Variants in KCNIP3 observed in about 807,000 individuals in gnomAD.
KCNIP3 encodes the protein potassium voltage-gated channel interacting protein 3.
A neutral mutation model predicts 35.0 loss-of-function variants in KCNIP3; 28 were observed. The observed-to-expected ratio is 0.80, with a 90% CI of 0.59 to 1.10. The LOEUF is 1.10. Among genes scored for constraint, KCNIP3 ranks in the 50% least tolerant of loss-of-function variants. KCNIP3 has a pLI of 0.00. For synonymous variants in KCNIP3, 134 were observed against 133.8 expected (o/e 1.00, Z -0.01); for missense variants, 295 against 338.4 (o/e 0.87, Z 1.01).
Position 95,377,122 on chromosome 2 carries a change from C to T in KCNIP3, c.447+1914C>T, listed in dbSNP as rs1243382795. Among the ~76,000 whole-genome samples the T allele has an allele frequency of 5.9e-5, 9 of 152,206 alleles. No homozygotes were observed. Among genetic ancestry groups the T allele is most frequent in the Non-Finnish European group, 1.0e-4 (7 of 68,042 alleles). Reference sequence around the variant, plus strand: ...CTGGGATTTGCCAGCAGCAGGGAGCCCCAGGTGAGCAGCGCCACACACAGA... The same window carrying T: ...CTGGGATTTGCCAGCAGCAGGGAGCTCCAGGTGAGCAGCGCCACACACAGA... On this transcript the variant is annotated intron_variant, in intron 5 of 8. Transcript: ENST00000295225. This position sits in a 1 kb window ranked among gnomAD's most constrained non-coding sequence, Gnocchi z 4.7.
chr2:95,348,526 C>T (rs1048105129), intron 2 of KCNIP3, among the ~76,000 whole-genome samples: 3 of 152,216 alleles, frequency 2.0e-5, no homozygotes, highest in Non-Finnish European at 2.9e-5. Context: ...TCGGGGCCTC[C>T]AGTGGCCAGG....
At chr2:95,308,806 T>C (rs1231092043) in intron 1 of KCNIP3, among the ~76,000 whole-genome samples, 3 of 152,240 alleles carry the variant, frequency 2.0e-5, no homozygotes, top group Non-Finnish European at 2.9e-5. Flanking sequence ...GGTCAGTCTC[T>C]GGCTCTTGCA....
chr2:95,324,639 A>T (rs989016778), intron 2 of KCNIP3, among the ~76,000 whole-genome samples: 1 of 148,198 alleles, frequency 6.7e-6, no homozygotes, highest in Non-Finnish European at 1.5e-5. Flanking sequence ...TTGGCCTGGC[A>T]TGGTGGCTCA....
At chr2:95,326,172 CAT>C (rs1247410968) in intron 2 of KCNIP3, among the ~76,000 whole-genome samples, 6 of 151,786 alleles carry the variant, frequency 4.0e-5, no homozygotes, top group Non-Finnish European at 8.8e-5. Context: ...CTCATATACA[CAT>C]ATACACAGTC....
chr2:95,363,616 A>T (rs1368428476), intron 2 of KCNIP3, among the ~76,000 whole-genome samples: 1 of 152,220 alleles, frequency 6.6e-6, no homozygotes, highest in Admixed American at 6.5e-5. Context: ...GCTTTCCAAA[A>T]AAAAAATCCA....
intron 2 of KCNIP3, 148 bp from the exon 3 acceptor site, chr2:95,374,148 G>T: frequency 1.0e-6 from 1 of 980,094 alleles, no homozygotes; most frequent in East Asian, 2.5e-5. Flanking sequence ...CCCCCTCTGT[G>T]CAGTGCACAG....
intron 2 of KCNIP3, among the ~76,000 whole-genome samples, chr2:95,319,310 G>T (rs1226470649): frequency 6.6e-6 from 1 of 152,212 alleles, no homozygotes; most frequent in Non-Finnish European, 1.5e-5. Flanking sequence ...AGAGCCCAGG[G>T]TTCCTGGGCC....
At chr2:95,369,064 A>G (rs570671184) in intron 2 of KCNIP3, among the ~76,000 whole-genome samples, 10 of 152,166 alleles carry the variant, frequency 6.6e-5, no homozygotes, top group Non-Finnish European at 1.3e-4. Flanking sequence ...TGGGGGGGAA[A>G]CATTCTGTTT....
intron 2 of KCNIP3, 78 bp from the exon 3 acceptor site, chr2:95,374,218 C>G: frequency 1.3e-6 from 2 of 1,552,746 alleles, no homozygotes; most frequent in Non-Finnish European, 8.7e-7. Context: ...TATTTTGGCC[C>G]ATGCCCTGGC....
At chr2:95,362,413 C>G (rs1450679694) in intron 2 of KCNIP3, among the ~76,000 whole-genome samples, 1 of 152,128 alleles carries the variant, frequency 6.6e-6, no homozygotes, top group Non-Finnish European at 1.5e-5. Context: ...GCCTCTCTTA[C>G]TCTTCATATA....
At chr2:95,326,729 C>T (rs1243588662) in intron 2 of KCNIP3, among the ~76,000 whole-genome samples, 2 of 152,234 alleles carry the variant, frequency 1.3e-5, no homozygotes, top group Non-Finnish European at 2.9e-5. Flanking sequence ...CTGCCACTCT[C>T]CTGCCCAAAC....
chr2:95,356,677 C>G (rs556264610), intron 2 of KCNIP3, among the ~76,000 whole-genome samples: 1 of 152,260 alleles, frequency 6.6e-6, no homozygotes, highest in South Asian at 2.1e-4. Flanking sequence ...GGTGTTATTT[C>G]TGAGGCCTCT....
intron 2 of KCNIP3, among the ~76,000 whole-genome samples, chr2:95,371,507 T>C (rs1426252871): frequency 6.6e-6 from 1 of 152,248 alleles, no homozygotes; most frequent in Non-Finnish European, 1.5e-5. Flanking sequence ...AATGTGTATC[T>C]ACAATTATAC....
intron 2 of KCNIP3, among the ~76,000 whole-genome samples, chr2:95,351,076 C>A (rs1326504181): frequency 1.3e-5 from 2 of 152,218 alleles, no homozygotes; most frequent in Non-Finnish European, 2.9e-5. Flanking sequence ...ATCTTCAGGC[C>A]CCTGCCCCAA....
In KCNIP3 at chr2:95,377,607, A is replaced by C. The variant is rs913525349; in HGVS notation, c.447+2399A>C. Reference sequence around the variant, plus strand: ...ACAGGGTTCCTACACTTTGGCATTCAGAGCATGGAGTTACAACTTGCCATG... The same window carrying C: ...ACAGGGTTCCTACACTTTGGCATTCCGAGCATGGAGTTACAACTTGCCATG... On this transcript the variant is annotated intron_variant, in intron 5 of 8. Coordinates refer to ENST00000295225, the MANE Select transcript of KCNIP3 (RefSeq NM_013434.5). The surrounding 1 kb of genome is among the most constrained non-coding windows in gnomAD (Gnocchi z 4.7). Among the ~76,000 whole-genome samples, 1 of 152,276 alleles carries C rather than the reference A, an allele frequency of 6.6e-6. No individual in the cohort carries two copies. The highest frequency in any genetic ancestry group is 1.5e-5 in the Non-Finnish European group (1 of 68,048).
intron 2 of KCNIP3, chr2:95,311,180 C>T (rs114431059): frequency 0.022 from 3,496 of 158,242 alleles, 131 homozygotes; most frequent in African/African-American, 0.08. Flanking sequence ...CGATCTCACA[C>T]ACACATTCAG....
chr2:95,375,287 G>A (rs1680156682), intron 5 of KCNIP3, 79 bp downstream of exon 5: 2 of 1,323,936 alleles, frequency 1.5e-6, no homozygotes, highest in African/African-American at 1.4e-5. Context: ...GTCACTGTCA[G>A]GGCTGTCGAG....
intron 2 of KCNIP3, among the ~76,000 whole-genome samples, chr2:95,356,181 T>C (rs1461612194): frequency 1.3e-5 from 2 of 152,220 alleles, no homozygotes; most frequent in Admixed American, 1.3e-4. Context: ...TTGCCCACTT[T>C]TTGATGGGGT....
chr2:95,345,425 G>A (rs760913601), intron 2 of KCNIP3, among the ~76,000 whole-genome samples: 1 of 152,236 alleles, frequency 6.6e-6, no homozygotes, highest in Non-Finnish European at 1.5e-5. Context: ...CACGCGCCGC[G>A]GCTCCCACCC....
Sources: allele counts gnomAD v4.1 joint callset (sites outside exome capture counted in the v4.1 genomes callset), GRCh38; gene constraint gnomAD v4.1.1; non-coding constraint Gnocchi (gnomAD v3.1); transcripts MANE v1.5; gene names NCBI Gene and HGNC (gene_info 2026-07-23, HGNC 2026-07-21).